GALNTL6: variants seen among roughly 807,000 people sequenced by gnomAD.
GALNTL6 encodes polypeptide N-acetylgalactosaminyltransferase like 6, also known as polypeptide N-acetylgalactosaminyltransferase-like 6.
GALNTL6 carries 46 observed loss-of-function variants against 73.7 expected under a neutral mutation model. The observed-to-expected ratio is 0.62, with a 90% CI of 0.49 to 0.80. The LOEUF (loss-of-function observed/expected upper bound fraction) is 0.80, where lower values mean the gene tolerates loss of function less well. Among genes scored for constraint, GALNTL6 ranks in the 30% least tolerant of loss-of-function variants. The probability of loss-of-function intolerance (pLI) is 0.00; values close to 1 mark genes in which losing one functional copy is unlikely to be tolerated. For synonymous variants in GALNTL6, 259 were observed against 263.7 expected (o/e 0.98, Z 0.17); for missense variants, 604 against 755.0 (o/e 0.80, Z 2.34).
intron 5 of GALNTL6, among the ~76,000 whole-genome samples, chr4:172,368,729 G>T (rs1742666630): frequency 6.6e-6 from 1 of 152,062 alleles, no homozygotes; most frequent in African/African-American, 2.4e-5. Flanking sequence ...GATGTGTCTG[G>T]AGTTTCTTCC....
At chr4:171,995,084 A>G (rs925615581) in intron 2 of GALNTL6, among the ~76,000 whole-genome samples, 3 of 151,978 alleles carry the variant, frequency 2.0e-5, no homozygotes, top group African/African-American at 4.8e-5. Flanking sequence ...GAAAATTATA[A>G]TTCCTATTTT....
chr4:172,773,347 T>C (rs1440728403), intron 5 of GALNTL6, among the ~76,000 whole-genome samples: 5 of 152,142 alleles, frequency 3.3e-5, no homozygotes, highest in African/African-American at 1.2e-4. Flanking sequence ...ATTATAGGTA[T>C]GAGCCACCAC....
intron 5 of GALNTL6, among the ~76,000 whole-genome samples, chr4:172,682,222 A>G (rs1732669118): frequency 6.6e-6 from 1 of 152,174 alleles, no homozygotes; most frequent in Non-Finnish European, 1.5e-5. Flanking sequence ...GTTCTTCGTT[A>G]TTATTTAAGA....
At chr4:172,997,567 A>C (rs1283831720) in intron 10 of GALNTL6, among the ~76,000 whole-genome samples, 1 of 152,146 alleles carries the variant, frequency 6.6e-6, no homozygotes, top group East Asian at 1.9e-4. Context: ...TCTATTTGTG[A>C]AAATCAACTT....
At chr4:172,642,824 A>T (rs532964775) in intron 5 of GALNTL6, among the ~76,000 whole-genome samples, 2 of 152,034 alleles carry the variant, frequency 1.3e-5, no homozygotes, top group Non-Finnish European at 2.9e-5. Context: ...ATACACCATA[A>T]ATATATTCCA....
In GALNTL6 at chr4:172,094,732, A is replaced by C. The variant is rs192650425; in HGVS notation, c.139-134924A>C. ...CCAAGGAGTTTTATTGCCACATTTT[A>C]GCTTATGCTTTCACTATTACACTAA... On this transcript the variant is annotated intron_variant, in intron 2 of 12. Transcript: ENST00000506823. 2.7e-3 allele frequency among the ~76,000 whole-genome samples: 411 copies of C among 152,200 alleles called. 3 individuals carry two copies. The highest frequency in any genetic ancestry group is 6.8e-3 in the Middle Eastern group (2 of 294).
intron 2 of GALNTL6, among the ~76,000 whole-genome samples, chr4:172,021,053 A>G (rs1579065642): frequency 6.6e-6 from 1 of 152,094 alleles, no homozygotes; most frequent in Non-Finnish European, 1.5e-5. Context: ...CAAAAACCAT[A>G]TAATAATTTC....
At chr4:172,666,048 T>G (rs973637470) in intron 5 of GALNTL6, among the ~76,000 whole-genome samples, 3 of 152,192 alleles carry the variant, frequency 2.0e-5, no homozygotes, top group African/African-American at 7.2e-5. Context: ...ACATTATGAT[T>G]CTTCAATTTT....
At chr4:172,607,569 A>G (rs1050345583) in intron 5 of GALNTL6, among the ~76,000 whole-genome samples, 1 of 152,134 alleles carries the variant, frequency 6.6e-6, no homozygotes, top group African/African-American at 2.4e-5. Flanking sequence ...ATACATGTGC[A>G]TGTGTCTTTA....
At chr4:172,681,242 G>C (rs993760059) in intron 5 of GALNTL6, among the ~76,000 whole-genome samples, 4 of 151,986 alleles carry the variant, frequency 2.6e-5, no homozygotes, top group African/African-American at 9.7e-5. Context: ...CATCCCTGAT[G>C]TTCTGGAATT....
At chr4:171,859,832 A>T (rs535962415) in intron 2 of GALNTL6, among the ~76,000 whole-genome samples, 1 of 152,244 alleles carries the variant, frequency 6.6e-6, no homozygotes, top group South Asian at 2.1e-4. Context: ...CCTGCCTCCC[A>T]CTCAATCTCT....
intron 7 of GALNTL6, among the ~76,000 whole-genome samples, chr4:172,874,898 C>T (rs554287552): frequency 2.0e-5 from 3 of 152,292 alleles, no homozygotes; most frequent in South Asian, 4.2e-4. Context: ...ACAGGACACA[C>T]GGCTCTAGGC....
chr4:171,881,080 T>C (rs578029261), intron 2 of GALNTL6, among the ~76,000 whole-genome samples: 1 of 152,010 alleles, frequency 6.6e-6, no homozygotes, highest in African/African-American at 2.4e-5. Flanking sequence ...TTGTGAACAA[T>C]CTCTATCCCT....
At chr4:172,775,079 G>A (rs1738999224) in intron 5 of GALNTL6, among the ~76,000 whole-genome samples, 1 of 151,748 alleles carries the variant, frequency 6.6e-6, no homozygotes, top group Non-Finnish European at 1.5e-5. Flanking sequence ...GTCAAATGAT[G>A]GCAATACATA....
chr4:172,031,133 G>A (rs1016268511), intron 2 of GALNTL6, among the ~76,000 whole-genome samples: 12 of 152,140 alleles, frequency 7.9e-5, no homozygotes, highest in African/African-American at 2.9e-4. Context: ...GTATCATGAT[G>A]ACAGCCGTTT....
At chr4:172,628,423 T>C (rs1232931827) in intron 5 of GALNTL6, among the ~76,000 whole-genome samples, 1 of 152,162 alleles carries the variant, frequency 6.6e-6, no homozygotes, top group African/African-American at 2.4e-5. Flanking sequence ...AAATTTTTTA[T>C]CAAGTATTTA....
At chr4:172,299,799 A>G (rs935346172) in intron 3 of GALNTL6, among the ~76,000 whole-genome samples, 37 of 152,254 alleles carry the variant, frequency 2.4e-4, no homozygotes, top group African/African-American at 6.0e-4. Context: ...TATGTGGTCA[A>G]TTTTGGAATA....
chr4:171,844,872 C>A (rs1735330847), intron 2 of GALNTL6, among the ~76,000 whole-genome samples: 1 of 152,082 alleles, frequency 6.6e-6, no homozygotes, highest in Non-Finnish European at 1.5e-5. Flanking sequence ...TGCTTGTTTC[C>A]AGCTGATTGA....
At chr4:171,990,262 A>C (rs562513885) in intron 2 of GALNTL6, among the ~76,000 whole-genome samples, 3 of 152,234 alleles carry the variant, frequency 2.0e-5, no homozygotes, top group African/African-American at 7.2e-5. Flanking sequence ...AGTGCATACC[A>C]TGTATTGGGC....
Sources: allele counts gnomAD v4.1 joint callset (sites outside exome capture counted in the v4.1 genomes callset), GRCh38; gene constraint gnomAD v4.1.1; transcripts MANE v1.5; gene names NCBI Gene and HGNC (gene_info 2026-07-23, HGNC 2026-07-21).